STYX: variants seen among roughly 807,000 people sequenced by gnomAD.
STYX encodes serine/threonine/tyrosine interacting protein.
In STYX, 20 loss-of-function variants were observed where a neutral mutation model predicts 42.7. The ratio of observed to expected loss-of-function variants is 0.47; its 90% CI spans 0.33 to 0.68. The LOEUF is 0.68. Ranked by LOEUF, STYX falls within the 30% of genes least tolerant of loss-of-function variation. STYX has a pLI of 0.02. For synonymous variants in STYX, 78 were observed against 81.9 expected, an observed-to-expected ratio of 0.95 and a Z score of 0.26; for missense variants, 226 against 268.5, an observed-to-expected ratio of 0.84 and a Z score of 1.11.
chr14:52,752,269 G>A (rs1045074417), intron 4 of STYX, among the ~76,000 whole-genome samples: 4 of 151,082 alleles, frequency 2.6e-5, no homozygotes, highest in Admixed American at 6.6e-5. Flanking sequence ...GATTGAGACT[G>A]TCCTGGCCAA....
At chr14:52,743,231 GATT>G (rs1195918906) in intron 1 of STYX, among the ~76,000 whole-genome samples, 1 of 151,720 alleles carries the variant, frequency 6.6e-6, no homozygotes, top group Non-Finnish European at 1.5e-5. Flanking sequence ...CTCATTGTAG[GATT>G]ATTATTCTCT....
At chr14:52,743,682 A>G (rs1024501710) in intron 1 of STYX, among the ~76,000 whole-genome samples, 7 of 152,200 alleles carry the variant, frequency 4.6e-5, no homozygotes, top group African/African-American at 1.2e-4. Context: ...CTATAATCCT[A>G]AAATTGTTTC....
At chr14:52,744,415 T>C (rs1881316281) in intron 1 of STYX, among the ~76,000 whole-genome samples, 1 of 152,224 alleles carries the variant, frequency 6.6e-6, no homozygotes, top group South Asian at 2.1e-4. Context: ...CTTTTATCCA[T>C]TTCAGATATT....
chr14:52,769,478 C>T (rs1424144936), intron 10 of STYX, among the ~76,000 whole-genome samples: 1 of 152,082 alleles, frequency 6.6e-6, no homozygotes, highest in Non-Finnish European at 1.5e-5. Flanking sequence ...TTTGAACCAA[C>T]AGTTATATAA....
Position 52,771,040 on chromosome 14 carries a change from G to A in STYX, c.606G>A (p.Leu202=), listed in dbSNP as rs890261441. The A allele has an allele frequency of 6.2e-7, 1 of 1,612,474 alleles. No homozygotes were observed. Among genetic ancestry groups the A allele is most frequent in the African/African-American group, 1.3e-5 (1 of 74,868 alleles). ...LSVHSGTTGS[L]KRTHEEEDDF... ...TCATGCAATAACTTTTAGGCAGTTT[G>A]AAGAGAACACATGAAGAAGAGGATG... The change falls in exon 11 of 11, where the codon TTG becomes TTA. Residue 202 remains leucine (L), a synonymous_variant. Coordinates refer to ENST00000354586, the MANE Select transcript of STYX (RefSeq NM_145251.4).
intron 9 of STYX, among the ~76,000 whole-genome samples, chr14:52,762,858 TTTTCTTTCTTTC>T (rs10548917): frequency 3.7e-5 from 3 of 81,634 alleles, no homozygotes; most frequent in South Asian, 4.4e-4. Flanking sequence ...TGATTTTTTC[TTTTCTTTCTTTC>T]TTTCTTTCTT....
intron 9 of STYX, among the ~76,000 whole-genome samples, chr14:52,764,958 G>A (rs1027646724): frequency 6.6e-5 from 10 of 151,724 alleles, no homozygotes; most frequent in South Asian, 4.1e-4. Flanking sequence ...CGTGAGCCAC[G>A]GCGCCCAGCC....
In STYX at chr14:52,730,242, C is replaced by T; in HGVS notation, c.-233C>T. On this transcript the variant is annotated 5_prime_UTR_variant, in exon 1 of 11. Coordinates refer to ENST00000354586, the MANE Select transcript of STYX (RefSeq NM_145251.4). ...AGACTCTGGGGGAGGGAGACGGCAG[C>T]GGCATGGCGGCCGGGTGTAAGACGC... is the stretch of plus-strand genomic sequence containing the variant. The T allele has an allele frequency of 1.8e-6, 1 of 568,960 alleles. No individual in the cohort carries two copies. Among genetic ancestry groups the T allele is most frequent in the South Asian group, 2.1e-5 (1 of 48,426 alleles). 35.2% of individuals were successfully genotyped at this position (568,960 alleles called of 1,614,324 possible). A position where few individuals can be genotyped will look rare whatever the true frequency, so the allele number is the denominator to read the frequency against.
At chr14:52,767,242 A>C (rs1389682483) in intron 9 of STYX, among the ~76,000 whole-genome samples, 1 of 151,976 alleles carries the variant, frequency 6.6e-6, no homozygotes, top group Non-Finnish European at 1.5e-5. Flanking sequence ...TTAGAAGGAT[A>C]CTCATTTCAT....
chr14:52,741,225 TA>T (rs566219264), intron 1 of STYX, among the ~76,000 whole-genome samples: 2,395 of 91,976 alleles, frequency 0.026, 56 homozygotes, highest in African/African-American at 0.084. Flanking sequence ...TATATATATA[TA>T]TATATTTTTT....
Position 52,774,699 on chromosome 14 carries a change from C to G in STYX, c.*3593C>G, listed in dbSNP as rs2139950801. On this transcript the variant is annotated 3_prime_UTR_variant, in exon 11 of 11. Transcript: ENST00000354586. ...TCTCTCATAGGGAGCTGCCATACCT[C>G]ACAGTTCAAAGTGTATTCTATAGAT... The G allele has an allele frequency of 6.6e-6, 1 of 151,576 alleles. No individual in the cohort carries two copies. Among genetic ancestry groups the G allele is most frequent in the East Asian group, 1.9e-4 (1 of 5,164 alleles). The allele number at this position is 151,576 out of a possible 1,614,324, so 9.4% of individuals were successfully genotyped here. A position where few individuals can be genotyped will look rare whatever the true frequency, so the allele number is the denominator to read the frequency against.
At chr14:52,736,841 C>T (rs937349941) in intron 1 of STYX, among the ~76,000 whole-genome samples, 2 of 152,152 alleles carry the variant, frequency 1.3e-5, no homozygotes, top group African/African-American at 4.8e-5. Flanking sequence ...ACTCTTCTGC[C>T]CCTCCAGTCC....
chr14:52,771,663 CTTAA>C lies in STYX; in HGVS notation c.*561_*564del, dbSNP rs1882517534. The stretch of plus-strand genomic sequence containing the variant: ...TTTCTTTTTTAGTATAACTTAATAG[CTTAA>C]TTACCATTTTATTTTTTATACTTCT... On this transcript the variant is annotated 3_prime_UTR_variant, in exon 11 of 11. Transcript: ENST00000354586. 1 of 152,412 alleles carries C rather than the reference CTTAA, an allele frequency of 6.6e-6. No individual in the cohort carries two copies. Among genetic ancestry groups the C allele is most frequent in the African/African-American group, 2.4e-5 (1 of 41,412 alleles). 9.4% of individuals were successfully genotyped at this position (152,412 alleles called of 1,614,324 possible).
intron 1 of STYX, among the ~76,000 whole-genome samples, chr14:52,733,594 C>G (rs1195631739): frequency 1.3e-5 from 2 of 152,128 alleles, no homozygotes; most frequent in African/African-American, 4.8e-5. Context: ...GTTCAGTTAA[C>G]TTGCTAGAGT....
chr14:52,733,607 C>T (rs1188909080), intron 1 of STYX, among the ~76,000 whole-genome samples: 3 of 152,086 alleles, frequency 2.0e-5, no homozygotes, highest in African/African-American at 7.2e-5. Context: ...GCTAGAGTGA[C>T]TTACAGGACT....
Position 52,772,738 on chromosome 14 carries a change from T to A in STYX, c.*1632T>A, listed in dbSNP as rs1461924482. 1 of 152,582 alleles carries A rather than the reference T, an allele frequency of 6.6e-6. No homozygotes were observed. Among genetic ancestry groups the A allele is most frequent in the Non-Finnish European group, 1.5e-5 (1 of 68,024 alleles). The allele number at this position is 152,582 out of a possible 1,614,324, so 9.5% of individuals were successfully genotyped here. On this transcript the variant is annotated 3_prime_UTR_variant, in exon 11 of 11. Coordinates refer to ENST00000354586, the MANE Select transcript of STYX (RefSeq NM_145251.4). Reference sequence around the variant, plus strand: ...CCCAGCATAGTGGGAGAGTGGAGATTAATTAAAATTGTTAATTAAGAGTTA... The same window carrying A: ...CCCAGCATAGTGGGAGAGTGGAGATAAATTAAAATTGTTAATTAAGAGTTA...
intron 9 of STYX, among the ~76,000 whole-genome samples, chr14:52,764,905 G>C (rs1882241270): frequency 6.6e-6 from 1 of 152,090 alleles, no homozygotes; most frequent in South Asian, 2.1e-4. Flanking sequence ...CTGAGATCAT[G>C]TGATCCACCC....
chr14:52,762,965 T>C (rs1038102978), intron 9 of STYX, among the ~76,000 whole-genome samples: 67 of 137,372 alleles, frequency 4.9e-4, no homozygotes, highest in African/African-American at 1.7e-3. Context: ...CAATCTCAAC[T>C]CACTGCAACC....
intron 3 of STYX, among the ~76,000 whole-genome samples, chr14:52,748,054 G>A (rs1881462204): frequency 6.6e-6 from 1 of 152,138 alleles, no homozygotes; most frequent in Non-Finnish European, 1.5e-5. Flanking sequence ...TTCTTGAAAT[G>A]TCACCATGGT....
Sources: gnomAD v4.1 joint callset for allele counts (sites outside exome capture counted in the v4.1 genomes callset) on GRCh38, gnomAD v4.1.1 for gene constraint, MANE v1.5 for transcripts, NCBI Gene and HGNC (gene_info 2026-07-23, HGNC 2026-07-21) for gene names.